The following RGS9 variants were observed in gnomAD, a reference collection of about 807,000 sequenced individuals.
RGS9 encodes regulator of G protein signaling 9.
In RGS9, 78 loss-of-function variants were observed where a neutral mutation model predicts 102.0. The ratio of observed to expected loss-of-function variants is 0.76; its 90% CI spans 0.64 to 0.92. The LOEUF is 0.92. Among genes scored for constraint, RGS9 ranks in the 40% least tolerant of loss-of-function variants. RGS9 has a pLI of 0.00. For missense variants in RGS9, 833 were observed against 866.1 expected (o/e 0.96, Z 0.48); for synonymous variants, 353 against 318.6 (o/e 1.11, Z -1.15).
intron 1 of RGS9, among the ~76,000 whole-genome samples, chr17:65,142,739 T>A (rs1307354810): frequency 6.6e-6 from 1 of 151,958 alleles, no homozygotes; most frequent in Admixed American, 6.6e-5. Context: ...CCTGCTACCA[T>A]GCCTGGCTAA....
intron 1 of RGS9, among the ~76,000 whole-genome samples, 166 bp downstream of exon 1, chr17:65,137,763 A>G (rs1909965101): frequency 6.6e-6 from 1 of 152,190 alleles, no homozygotes; most frequent in Non-Finnish European, 1.5e-5. Context: ...ATTGATGGCT[A>G]TAATAATTAG....
At chr17:65,176,931 C>T (rs571986364) in intron 8 of RGS9, among the ~76,000 whole-genome samples, 1 of 150,664 alleles carries the variant, frequency 6.6e-6, no homozygotes, top group South Asian at 2.1e-4. Flanking sequence ...CCCATCCACT[C>T]ACCATCCACC....
intron 1 of RGS9, among the ~76,000 whole-genome samples, chr17:65,141,858 G>A (rs1308517194): frequency 6.6e-6 from 1 of 152,266 alleles, no homozygotes; most frequent in African/African-American, 2.4e-5. Context: ...ACAGGGACAT[G>A]TGAAGTAGCA....
chr17:65,205,228 A>G (rs1316910183), intron 15 of RGS9, among the ~76,000 whole-genome samples: 1 of 152,234 alleles, frequency 6.6e-6, no homozygotes, highest in Non-Finnish European at 1.5e-5. Context: ...CTTTGGTGCC[A>G]TCCTTGACAA....
In RGS9 at chr17:65,201,100, T is replaced by TACACACACACAC. The variant is rs113665578; in HGVS notation, c.977-885_977-874dup. ...CCACACTGTGACACACTCCACGATT[T>TACACACACACAC]ACACACACACACACACACAGACACA... On this transcript the variant is annotated intron_variant, in intron 13 of 18. Coordinates refer to ENST00000262406, the MANE Select transcript of RGS9 (RefSeq NM_003835.4). 6.1e-5 allele frequency among the ~76,000 whole-genome samples: 9 copies of TACACACACACAC among 148,746 alleles called. No homozygotes were observed. In the East Asian group the frequency reaches 7.8e-4, roughly 13 times the overall value.
chr17:65,223,051 G>A (rs542282359), intron 17 of RGS9, among the ~76,000 whole-genome samples: 1 of 152,316 alleles, frequency 6.6e-6, no homozygotes, highest in East Asian at 1.9e-4. Flanking sequence ...GTCCTCATCT[G>A]TAAAATGGGG....
intron 2 of RGS9, among the ~76,000 whole-genome samples, 159 bp downstream of exon 2, chr17:65,153,677 G>A (rs1005821469): frequency 6.7e-6 from 1 of 149,530 alleles, no homozygotes; most frequent in Non-Finnish European, 1.5e-5. Flanking sequence ...GGATCACAAG[G>A]TCAGGAGATC....
chr17:65,225,657 T>G (rs1598013697), intron 18 of RGS9, 171 bp downstream of exon 18: 1 of 811,534 alleles, frequency 1.2e-6, no homozygotes, highest in East Asian at 2.7e-5. Flanking sequence ...CTCAGTTTTG[T>G]CCTCTGCTGT....
Position 65,197,117 on chromosome 17 carries a change from T to C in RGS9, c.861-9T>C. On this transcript the variant is annotated splice_polypyrimidine_tract_variant and intron_variant, in intron 12 of 18. Coordinates refer to ENST00000262406, the MANE Select transcript of RGS9 (RefSeq NM_003835.4). The stretch of plus-strand genomic sequence containing the variant: ...ACCTCTCTGGTGCATTTACAAATCA[T>C]CCTTGCAGGGTGGAAATCCCAACCA... 2 of 1,606,220 alleles carry C rather than the reference T, an allele frequency of 1.2e-6. No individual in the cohort carries two copies.
intron 15 of RGS9, 66 bp from the exon 16 acceptor site, chr17:65,207,856 A>T: frequency 8.7e-7 from 1 of 1,147,784 alleles, no homozygotes; most frequent in Non-Finnish European, 1.3e-6. Flanking sequence ...GAAAATGGCA[A>T]GGGTATTGGT....
At chr17:65,177,841 C>G in intron 9 of RGS9, 38 bp downstream of exon 9, 1 of 1,565,310 alleles carries the variant, frequency 6.4e-7, no homozygotes, top group Non-Finnish European at 8.8e-7. Context: ...GGGCCTAGGT[C>G]GGATTCTGGG....
intron 9 of RGS9, among the ~76,000 whole-genome samples, chr17:65,179,071 C>T (rs1911753432): frequency 6.6e-6 from 1 of 152,172 alleles, no homozygotes; most frequent in African/African-American, 2.4e-5. Context: ...TTCTGTCAAA[C>T]ATTGTCTTTG....
chr17:65,157,058 G>C (rs148440125), intron 2 of RGS9, among the ~76,000 whole-genome samples: 19 of 152,074 alleles, frequency 1.2e-4, no homozygotes, highest in Non-Finnish European at 1.9e-4. Context: ...CGTGTATATG[G>C]GTCATAAGAA....
At chr17:65,157,837 C>T (rs1327194534) in intron 2 of RGS9, among the ~76,000 whole-genome samples, 1 of 150,324 alleles carries the variant, frequency 6.7e-6, no homozygotes, top group African/African-American at 2.5e-5. Flanking sequence ...CTTCTCATCC[C>T]TGTCTCTGTT....
chr17:65,174,622 A>G lies in RGS9; in HGVS notation c.583-3110A>G, dbSNP rs372259089. Among the ~76,000 whole-genome samples the G allele has an allele frequency of 2.1e-3, 313 of 151,690 alleles. 1 individual carries two copies. The highest frequency in any genetic ancestry group is 7.3e-3 in the African/African-American group (300 of 41,324). On this transcript the variant is annotated intron_variant, in intron 8 of 18. Transcript: ENST00000262406. The stretch of plus-strand genomic sequence containing the variant: ...GTGCCTAGGTTTGTGCATGCATGTA[A>G]ACATATATGTGTCAGTATGCACGTG...
chr17:65,162,932 T>C (rs1911041821), intron 6 of RGS9, 81 bp from the exon 7 acceptor site: 1 of 777,946 alleles, frequency 1.3e-6, no homozygotes, highest in Non-Finnish European at 2.3e-6. Flanking sequence ...GGTGTGCCCT[T>C]GCTGACTTAG....
chr17:65,153,859 C>T (rs1305196433), intron 2 of RGS9, among the ~76,000 whole-genome samples: 1 of 152,164 alleles, frequency 6.6e-6, no homozygotes, highest in African/African-American at 2.4e-5. Context: ...CATTGCACTC[C>T]AGCCTGGGCG....
At chr17:65,191,135 G>A (rs1018569822) in intron 11 of RGS9, among the ~76,000 whole-genome samples, 3 of 152,092 alleles carry the variant, frequency 2.0e-5, no homozygotes, top group South Asian at 2.1e-4. Flanking sequence ...AGCTGAGGAG[G>A]GCACCTGTGT....
chr17:65,226,270 C>G (rs115395891), intron 18 of RGS9, among the ~76,000 whole-genome samples: 3 of 152,176 alleles, frequency 2.0e-5, no homozygotes, highest in Non-Finnish European at 4.4e-5. Context: ...CAGGGGCACC[C>G]CTGCACCAAT....
Sources: gnomAD v4.1 joint callset for allele counts (sites outside exome capture counted in the v4.1 genomes callset) on GRCh38, gnomAD v4.1.1 for gene constraint, MANE v1.5 for transcripts, NCBI Gene and HGNC (gene_info 2026-07-23, HGNC 2026-07-21) for gene names.